Variants in FSTL5 observed in about 807,000 individuals in gnomAD.
FSTL5 encodes the protein follistatin-related protein 5.
Under a neutral mutation model 89.1 loss-of-function variants are expected in FSTL5, and 62 were observed. That is an observed-to-expected ratio of 0.70 (90% CI 0.57 to 0.86). FSTL5 has a LOEUF of 0.86. Ranked by LOEUF, FSTL5 falls within the 40% of genes least tolerant of loss-of-function variation. FSTL5 has a pLI of 0.00. For missense variants in FSTL5, 1,057 were observed against 1,001.6 expected (o/e 1.06, Z -0.75); for synonymous variants, 383 against 346.2 (o/e 1.11, Z -1.18).
At chr4:161,850,354 G>C (rs1731508775) in intron 4 of FSTL5, among the ~76,000 whole-genome samples, 1 of 151,942 alleles carries the variant, frequency 6.6e-6, no homozygotes, top group African/African-American at 2.4e-5. Flanking sequence ...ACTGTGCACT[G>C]TCATGGATTT....
rs6148753 is a variant in FSTL5 at position 161,513,272 on chromosome 4, GGAGAGAGAGAGA to G, written c.1313-2860_1313-2849del. On this transcript the variant is annotated intron_variant, in intron 10 of 15. Coordinates refer to ENST00000306100, the MANE Select transcript of FSTL5 (RefSeq NM_020116.5). ...ACTGAACTGAACCAAACAAGGAGGG[GGAGAGAGAGAGA>G]GAGAGAGAGAGAGAGAGAGAGAGAG... Among the ~76,000 whole-genome samples, 602 of 109,962 alleles carry G rather than the reference GGAGAGAGAGAGA, an allele frequency of 5.5e-3. 5 individuals are homozygous for G. The highest frequency in any genetic ancestry group is 0.017 in the African/African-American group (496 of 28,558). The allele number at this position is 109,962 out of a possible 152,430, so 72.1% of individuals were successfully genotyped here.
intron 7 of FSTL5, among the ~76,000 whole-genome samples, chr4:161,615,291 CTCAA>C (rs1474214772): frequency 3.4e-5 from 2 of 58,504 alleles, no homozygotes; most frequent in African/African-American, 8.0e-5. Flanking sequence ...GAGACTCTGT[CTCAA>C]AAAAAAAAAA....
chr4:161,664,437 G>C (rs1202063952), intron 6 of FSTL5, among the ~76,000 whole-genome samples: 1 of 152,062 alleles, frequency 6.6e-6, no homozygotes, highest in African/African-American at 2.4e-5. Flanking sequence ...TCTAGGGCAG[G>C]GTCAAAATGC....
intron 12 of FSTL5, among the ~76,000 whole-genome samples, chr4:161,491,702 G>A (rs564517501): frequency 1.3e-4 from 20 of 152,148 alleles, no homozygotes; most frequent in African/African-American, 3.9e-4. Flanking sequence ...TTAGCTGGGC[G>A]TGGTGGCACG....
chr4:162,151,226 G>T, intron 1 of FSTL5, among the ~76,000 whole-genome samples: 1 of 152,080 alleles, frequency 6.6e-6, no homozygotes, highest in East Asian at 1.9e-4. Context: ...TTTTAAATTA[G>T]CAGGTTTTAT....
intron 12 of FSTL5, among the ~76,000 whole-genome samples, chr4:161,492,378 A>T (rs1729911174): frequency 6.6e-6 from 1 of 152,186 alleles, no homozygotes; most frequent in South Asian, 2.1e-4. Context: ...GTAGAGGTAT[A>T]CCATGAAATG....
chr4:162,115,278 C>T (rs1731593842), intron 1 of FSTL5, among the ~76,000 whole-genome samples: 2 of 152,180 alleles, frequency 1.3e-5, no homozygotes, highest in Non-Finnish European at 2.9e-5. Flanking sequence ...TGGCTCTTCT[C>T]AATGTATGCT....
intron 10 of FSTL5, among the ~76,000 whole-genome samples, chr4:161,511,119 C>T (rs1730638088): frequency 6.6e-6 from 1 of 152,010 alleles, no homozygotes; most frequent in South Asian, 2.1e-4. Flanking sequence ...GAAGGAAATG[C>T]CTGCTTCTTT....
chr4:161,412,517 G>T (rs1487430427), intron 15 of FSTL5, among the ~76,000 whole-genome samples: 2 of 152,058 alleles, frequency 1.3e-5, no homozygotes, highest in African/African-American at 4.8e-5. Flanking sequence ...GGGGGATAGG[G>T]GCGGGATAGC....
At chr4:161,804,336 T>G (rs2126832451) in intron 4 of FSTL5, among the ~76,000 whole-genome samples, 1 of 152,124 alleles carries the variant, frequency 6.6e-6, no homozygotes, top group African/African-American at 2.4e-5. Flanking sequence ...GATAAGGACA[T>G]CTTTGGGAGT....
At chr4:161,675,920 GAT>G (rs1185325318) in intron 6 of FSTL5, among the ~76,000 whole-genome samples, 2 of 151,976 alleles carry the variant, frequency 1.3e-5, no homozygotes, top group African/African-American at 4.8e-5. Flanking sequence ...TTATAAATGA[GAT>G]ATTACCTTGC....
chr4:161,998,696 G>A (rs185807534), intron 3 of FSTL5, among the ~76,000 whole-genome samples: 103 of 152,028 alleles, frequency 6.8e-4, no homozygotes, highest in African/African-American at 2.5e-3. Context: ...AATTGCTTTG[G>A]GTTCAATAAT....
intron 10 of FSTL5, among the ~76,000 whole-genome samples, chr4:161,532,048 CA>C (rs1446963218): frequency 6.6e-6 from 1 of 151,368 alleles, no homozygotes; most frequent in Admixed American, 6.6e-5. Flanking sequence ...ACTAAAAATA[CA>C]AAAAAATTAG....
chr4:161,539,626 C>T (rs78571476), intron 9 of FSTL5, among the ~76,000 whole-genome samples: 11,414 of 152,122 alleles, frequency 0.075, 778 homozygotes, highest in East Asian at 0.32. Flanking sequence ...AACTACTCAC[C>T]TCTGCCACAG....
At chr4:161,395,574 T>A (rs2110888545) in intron 15 of FSTL5, among the ~76,000 whole-genome samples, 1 of 152,226 alleles carries the variant, frequency 6.6e-6, no homozygotes, top group Admixed American at 6.5e-5. Context: ...AATCTAAAAT[T>A]AAAATACTAA....
chr4:162,003,699 G>C (rs1436555056), intron 3 of FSTL5, among the ~76,000 whole-genome samples: 14 of 152,136 alleles, frequency 9.2e-5, no homozygotes, highest in Admixed American at 9.2e-4. Flanking sequence ...TTGTAAATGT[G>C]TATGTAAATA....
rs567009761 is a variant in FSTL5, at chr4:161,841,294, T to C, written c.410-65220A>G. ...TGAAATAGAAAAGGAAAACCATATG[T>C]TATTGTTGCAATTTCTTAGCCATGT... On this transcript the variant is annotated intron_variant, in intron 4 of 15. Coordinates refer to ENST00000306100, the MANE Select transcript of FSTL5 (RefSeq NM_020116.5). Among the ~76,000 whole-genome samples the C allele has an allele frequency of 2.6e-5, 4 of 152,336 alleles. No individual in the cohort carries two copies. In the South Asian group the frequency reaches 8.3e-4, roughly 32 times the overall value.
intron 2 of FSTL5, among the ~76,000 whole-genome samples, chr4:162,053,205 T>C (rs1738438168): frequency 6.6e-6 from 1 of 151,804 alleles, no homozygotes; most frequent in Non-Finnish European, 1.5e-5. Context: ...ATGTATATTT[T>C]CAACTTGTGC....
chr4:161,863,723 C>T (rs12642345), intron 4 of FSTL5, among the ~76,000 whole-genome samples: 6,024 of 152,128 alleles, frequency 0.04, 192 homozygotes, highest in East Asian at 0.15. Flanking sequence ...ATTTGATAAC[C>T]TTGCCACAAT....
Sources: gnomAD v4.1 joint callset for allele counts (sites outside exome capture counted in the v4.1 genomes callset) on GRCh38, gnomAD v4.1.1 for gene constraint, MANE v1.5 for transcripts, NCBI Gene and HGNC (gene_info 2026-07-23, HGNC 2026-07-21) for gene names.